The following ELF2 variants were observed in gnomAD, a reference collection of about 807,000 sequenced individuals.
ELF2 encodes E74 like ETS transcription factor 2.
A neutral mutation model predicts 54.8 loss-of-function variants in ELF2; 11 were observed. That is an observed-to-expected ratio of 0.20 (90% confidence interval 0.13 to 0.33). The LOEUF (loss-of-function observed/expected upper bound fraction) is 0.33, where lower values mean the gene tolerates loss of function less well. Ranked by LOEUF, ELF2 falls within the 10% of genes least tolerant of loss-of-function variation. The pLI, the probability that ELF2 is intolerant of heterozygous loss-of-function variation, is 1.00. For synonymous variants in ELF2, 203 were observed against 245.1 expected, an observed-to-expected ratio of 0.83 and a Z score of 1.61; for missense variants, 513 against 703.0, an observed-to-expected ratio of 0.73 and a Z score of 3.06.
At chr4:139,085,731 T>C (rs1486177959) in intron 4 of ELF2, among the ~76,000 whole-genome samples, 1 of 152,226 alleles carries the variant, frequency 6.6e-6, no homozygotes, top group Non-Finnish European at 1.5e-5. Flanking sequence ...CTGCCATGTA[T>C]GGGACATGGT....
intron 3 of ELF2, among the ~76,000 whole-genome samples, chr4:139,126,874 A>G (rs1736974219): frequency 6.6e-6 from 1 of 152,224 alleles, no homozygotes; most frequent in African/African-American, 2.4e-5. Flanking sequence ...TATTGCAAAT[A>G]CAGGATAGAA....
intron 4 of ELF2, among the ~76,000 whole-genome samples, chr4:139,103,801 GGTAATCAGAT>G (rs1734152923): frequency 6.6e-6 from 1 of 152,180 alleles, no homozygotes; most frequent in Non-Finnish European, 1.5e-5. Context: ...CACACTTCAT[GGTAATCAGAT>G]GTCCCAGAGG....
At chr4:139,076,540 G>A (rs1045265269) in intron 4 of ELF2, among the ~76,000 whole-genome samples, 2 of 151,760 alleles carry the variant, frequency 1.3e-5, no homozygotes, top group African/African-American at 4.8e-5. Flanking sequence ...TGTCTTAGGT[G>A]CTATTAATAA....
At chr4:139,139,326 A>G in intron 2 of ELF2, 87 bp downstream of exon 2, 1 of 685,698 alleles carries the variant, frequency 1.5e-6, no homozygotes, top group Non-Finnish European at 2.0e-6. Context: ...AGAAAAAATA[A>G]TAAAATTCCA....
chr4:139,092,462 A>C (rs1411341504), intron 4 of ELF2, among the ~76,000 whole-genome samples: 2 of 151,382 alleles, frequency 1.3e-5, no homozygotes, highest in African/African-American at 2.4e-5. Context: ...ATAACATAAC[A>C]TAACATAACA....
intron 1 of ELF2, among the ~76,000 whole-genome samples, chr4:139,153,940 CTTTAT>C (rs1174539345): frequency 3.9e-5 from 6 of 152,306 alleles, no homozygotes; most frequent in East Asian, 1.9e-4. Flanking sequence ...CTCTCCCCCT[CTTTAT>C]TTTTTCTTTC....
intron 4 of ELF2, among the ~76,000 whole-genome samples, chr4:139,109,688 G>C (rs1734765074): frequency 2.0e-5 from 3 of 152,184 alleles, no homozygotes; most frequent in Admixed American, 6.5e-5. Flanking sequence ...CGTGTCCTTT[G>C]TAGCAACATG....
intron 1 of ELF2, among the ~76,000 whole-genome samples, chr4:139,156,601 T>G (rs765767058): frequency 2.6e-5 from 4 of 151,392 alleles, no homozygotes; most frequent in African/African-American, 9.7e-5. Context: ...TTCATAGATA[T>G]ATATATATAT....
At chr4:139,165,175 G>A (rs1741597012) in intron 1 of ELF2, among the ~76,000 whole-genome samples, 1 of 152,208 alleles carries the variant, frequency 6.6e-6, no homozygotes, top group Non-Finnish European at 1.5e-5. Flanking sequence ...CTGGGCTTTA[G>A]AAGGGTTAAG....
chr4:139,137,672 A>T lies in ELF2; in HGVS notation c.30T>A (p.Gly10=). ...CATTGCTGGAAAGCTCCAAAATAGT[A>T]CCTCCACTGTCAACCACTGCTGATG... MTSAVVDSG[G]TILELSSNGV... is the part of the protein sequence containing the mutation. Residue 10 remains glycine (G), a synonymous_variant, in exon 3 of 10, where the codon GGT becomes GGA. Transcript: ENST00000686138. The T allele has an allele frequency of 6.2e-7, 1 of 1,614,076 alleles. No individual in the cohort carries two copies. The highest frequency in any genetic ancestry group is 8.5e-7 in the Non-Finnish European group (1 of 1,179,994).
intron 4 of ELF2, among the ~76,000 whole-genome samples, chr4:139,095,295 G>A (rs915288294): frequency 3.3e-5 from 5 of 150,150 alleles, no homozygotes; most frequent in South Asian, 2.1e-4. Flanking sequence ...AGCAATTCTC[G>A]CACCTCAGCC....
chr4:139,137,786 TATC>T lies in ELF2; in HGVS notation c.-88_-86del. The T allele has an allele frequency of 6.4e-7, 1 of 1,563,040 alleles. No individual in the cohort carries two copies. Among genetic ancestry groups the T allele is most frequent in the Non-Finnish European group, 8.6e-7 (1 of 1,156,766 alleles). On this transcript the variant is annotated 5_prime_UTR_variant, in exon 3 of 10. It removes an upstream start codon present in the reference 5' UTR. Transcript: ENST00000686138. ...GGTTGCCAGTGTTATAGGTTTGCAT[TATC>T]ATGTTTTAAAAGTCAATAGAGATGG...
chr4:139,162,351 G>A (rs1346394086), intron 1 of ELF2, among the ~76,000 whole-genome samples: 3 of 152,082 alleles, frequency 2.0e-5, no homozygotes, highest in Non-Finnish European at 4.4e-5. Context: ...GGCCAACACG[G>A]TGAAACCCCG....
chr4:139,168,984 C>A (rs1281754312), intron 1 of ELF2, among the ~76,000 whole-genome samples: 1 of 152,122 alleles, frequency 6.6e-6, no homozygotes, highest in African/African-American at 2.4e-5. Flanking sequence ...AAGGAGGGTT[C>A]TCATGCATGA....
chr4:139,115,534 C>T (rs895575106), intron 4 of ELF2, among the ~76,000 whole-genome samples: 28 of 151,572 alleles, frequency 1.8e-4, no homozygotes, highest in African/African-American at 6.3e-4. Flanking sequence ...GGCCTGGCCG[C>T]GCCCCCTGAC....
intron 1 of ELF2, among the ~76,000 whole-genome samples, chr4:139,168,416 A>G (rs932952898): frequency 1.3e-5 from 2 of 152,220 alleles, no homozygotes; most frequent in Non-Finnish European, 2.9e-5. Flanking sequence ...GTAGTACAGA[A>G]TTATACTGAC....
intron 4 of ELF2, among the ~76,000 whole-genome samples, chr4:139,114,445 T>A (rs1384749358): frequency 6.6e-6 from 1 of 151,910 alleles, no homozygotes; most frequent in Non-Finnish European, 1.5e-5. Context: ...GGTGCGCGCC[T>A]GTAATCTCAG....
intron 4 of ELF2, among the ~76,000 whole-genome samples, chr4:139,106,493 A>C (rs905601145): frequency 5.9e-5 from 9 of 152,182 alleles, no homozygotes; most frequent in Non-Finnish European, 1.0e-4. Context: ...ATAAAAGCAC[A>C]AACCACAGTT....
chr4:139,142,412 T>C (rs1313759073), intron 1 of ELF2, among the ~76,000 whole-genome samples: 4 of 135,786 alleles, frequency 2.9e-5, no homozygotes, highest in African/African-American at 8.5e-5. Context: ...GAAAGAATAG[T>C]TGAAGAAGAG....
Sources: allele counts gnomAD v4.1 joint callset (sites outside exome capture counted in the v4.1 genomes callset), GRCh38; gene constraint gnomAD v4.1.1; transcripts MANE v1.5; gene names NCBI Gene and HGNC (gene_info 2026-07-23, HGNC 2026-07-21).